The following RHBDD1 variants were observed in gnomAD, a reference collection of about 807,000 sequenced individuals.
The protein encoded by RHBDD1 is rhomboid-related protein 4.
A neutral mutation model predicts 36.3 loss-of-function variants in RHBDD1; 38 were observed. The ratio of observed to expected loss-of-function variants is 1.05; its 90% CI spans 0.81 to 1.37. The LOEUF is 1.37. Among genes scored for constraint, RHBDD1 ranks in the 40% most tolerant of loss-of-function variants. The probability of loss-of-function intolerance (pLI) is 0.00; values close to 1 mark genes in which losing one functional copy is unlikely to be tolerated. For missense variants in RHBDD1, 393 were observed against 377.6 expected (o/e 1.04, Z -0.34); for synonymous variants, 151 against 136.5 (o/e 1.11, Z -0.74).
intron 8 of RHBDD1, among the ~76,000 whole-genome samples, chr2:226,931,391 T>G (rs1049306641): frequency 6.6e-6 from 1 of 151,980 alleles, no homozygotes; most frequent in African/African-American, 2.4e-5. Context: ...AACTCAGGAA[T>G]AGAAAACCAA....
At chr2:226,911,453 G>A (rs1030350886) in intron 7 of RHBDD1, among the ~76,000 whole-genome samples, 7 of 151,392 alleles carry the variant, frequency 4.6e-5, no homozygotes, top group Admixed American at 2.6e-4. Context: ...TATTCTATTA[G>A]TGTTGCAGAA....
chr2:226,865,161 A>C, intron 4 of RHBDD1, 35 bp downstream of exon 4: 1 of 1,486,318 alleles, frequency 6.7e-7, no homozygotes, highest in Non-Finnish European at 9.2e-7. Flanking sequence ...TGCATGCATA[A>C]AGGAAGCAAG....
At chr2:226,823,036 G>A in the RHBDD1 span, among the ~76,000 whole-genome samples, 4 of 152,174 alleles carry the variant, frequency 2.6e-5, no homozygotes, top group African/African-American at 9.7e-5. Context: ...TGAGGCAGGA[G>A]AATCACTTGA....
intron 8 of RHBDD1, among the ~76,000 whole-genome samples, chr2:226,980,640 T>C (rs1357757896): frequency 2.6e-5 from 4 of 152,178 alleles, no homozygotes; most frequent in Admixed American, 6.5e-5. Flanking sequence ...TTCCTTATGG[T>C]CTTAAAACCA....
intron 8 of RHBDD1, among the ~76,000 whole-genome samples, chr2:226,957,129 AC>A (rs1951837680): frequency 6.6e-6 from 1 of 151,980 alleles, no homozygotes; most frequent in Non-Finnish European, 1.5e-5. Context: ...GATGAAATTC[AC>A]CCCAGATTCC....
intron 8 of RHBDD1, among the ~76,000 whole-genome samples, chr2:226,977,956 C>A (rs1954892574): frequency 6.6e-6 from 1 of 152,184 alleles, no homozygotes; most frequent in Non-Finnish European, 1.5e-5. Flanking sequence ...GCTGTTTGGG[C>A]ATGTTTTATG....
At chr2:226,993,519 C>G (rs1240159056) in intron 8 of RHBDD1, among the ~76,000 whole-genome samples, 2 of 152,234 alleles carry the variant, frequency 1.3e-5, no homozygotes, top group Non-Finnish European at 2.9e-5. Flanking sequence ...TGATTTGATT[C>G]ATGAATATGT....
chr2:226,811,136 C>T, the RHBDD1 span: 2 of 152,138 alleles, frequency 1.3e-5, no homozygotes, highest in African/African-American at 2.4e-5. Context: ...CTTTTCTCCC[C>T]GAATAGCCTC....
the RHBDD1 span, among the ~76,000 whole-genome samples, chr2:226,820,571 G>A: frequency 6.7e-6 from 1 of 149,624 alleles, no homozygotes; most frequent in Non-Finnish European, 1.5e-5. Context: ...ACTTTGGGAG[G>A]CTATGGCGGA....
chr2:226,880,921 T>C (rs543227693), intron 5 of RHBDD1, among the ~76,000 whole-genome samples: 2 of 152,228 alleles, frequency 1.3e-5, no homozygotes, highest in South Asian at 2.1e-4. Context: ...TACAAATATA[T>C]GATGAAGAAC....
intron 8 of RHBDD1, among the ~76,000 whole-genome samples, chr2:226,951,011 C>T (rs1438173141): frequency 6.6e-6 from 1 of 152,124 alleles, no homozygotes; most frequent in Non-Finnish European, 1.5e-5. Context: ...GTCGACCATG[C>T]TTTCAGGGTC....
intron 7 of RHBDD1, among the ~76,000 whole-genome samples, chr2:226,912,438 A>G (rs908350063): frequency 6.6e-6 from 1 of 152,220 alleles, no homozygotes; most frequent in Non-Finnish European, 1.5e-5. Context: ...AACAGTCAAA[A>G]GGTAGAAATA....
At chr2:226,968,648 C>T (rs941320522) in intron 8 of RHBDD1, among the ~76,000 whole-genome samples, 7 of 152,160 alleles carry the variant, frequency 4.6e-5, no homozygotes, top group East Asian at 1.9e-4. Flanking sequence ...TGAATGTTTG[C>T]GCACTCTCTC....
chr2:226,927,643 T>C (rs543530107), intron 8 of RHBDD1, among the ~76,000 whole-genome samples: 2 of 152,208 alleles, frequency 1.3e-5, no homozygotes, highest in African/African-American at 4.8e-5. Context: ...ATTTGGTATT[T>C]TCAGTTGTTT....
intron 8 of RHBDD1, among the ~76,000 whole-genome samples, chr2:226,971,532 CT>C (rs1189543846): frequency 6.6e-6 from 1 of 152,176 alleles, no homozygotes; most frequent in Admixed American, 6.5e-5. Flanking sequence ...GCTTATTTGA[CT>C]TTTGATAAGT....
chr2:226,848,474 A>G (rs1942456312), intron 3 of RHBDD1, among the ~76,000 whole-genome samples: 1 of 152,196 alleles, frequency 6.6e-6, no homozygotes, highest in Admixed American at 6.5e-5. Flanking sequence ...CTCAGCTCTG[A>G]CACATAAAGA....
At chr2:226,975,750 A>ACTG (rs1954453509) in intron 8 of RHBDD1, among the ~76,000 whole-genome samples, 1 of 152,236 alleles carries the variant, frequency 6.6e-6, no homozygotes, top group Non-Finnish European at 1.5e-5. Context: ...TGCCTTGTGT[A>ACTG]CTGACATATT....
intron 5 of RHBDD1, among the ~76,000 whole-genome samples, chr2:226,886,907 C>T (rs1261237226): frequency 6.6e-6 from 1 of 151,580 alleles, no homozygotes; most frequent in East Asian, 1.9e-4. Context: ...AATAGAGGAA[C>T]ATGGAACTGA....
chr2:226,960,202 A>G (rs1292100600), intron 8 of RHBDD1, among the ~76,000 whole-genome samples: 1 of 152,198 alleles, frequency 6.6e-6, no homozygotes, highest in Admixed American at 6.5e-5. Flanking sequence ...AGTGTTTGAG[A>G]GTTCGAGGTC....
Sources: allele counts gnomAD v4.1 joint callset (sites outside exome capture counted in the v4.1 genomes callset), GRCh38; gene constraint gnomAD v4.1.1; transcripts MANE v1.5; gene names NCBI Gene and HGNC (gene_info 2026-07-23, HGNC 2026-07-21).